The following SDK1 variants were observed in gnomAD, a reference collection of about 807,000 sequenced individuals.
The protein encoded by SDK1 is sidekick cell adhesion molecule 1, also known as protein sidekick-1.
Under a neutral mutation model 245.5 loss-of-function variants are expected in SDK1, and 157 were observed. The observed-to-expected ratio is 0.64, with a 90% CI of 0.56 to 0.73. SDK1 has a LOEUF of 0.73. SDK1 is among the 30% of genes least tolerant of loss of function. SDK1 has a pLI of 0.00. For missense variants in SDK1, 3,583 were observed against 3,002.3 expected, an observed-to-expected ratio of 1.19 and a Z score of -4.52; for synonymous variants, 1,647 against 1,278.5, an observed-to-expected ratio of 1.29 and a Z score of -6.15.
At chr7:3,387,079 C>T (rs1202400031) in intron 1 of SDK1, among the ~76,000 whole-genome samples, 5 of 152,148 alleles carry the variant, frequency 3.3e-5, no homozygotes, top group Non-Finnish European at 7.4e-5. Flanking sequence ...CATATGTTTA[C>T]TCTTGGCTGA....
intron 1 of SDK1, among the ~76,000 whole-genome samples, chr7:3,540,046 CA>C (rs758132445): frequency 1.3e-5 from 2 of 152,200 alleles, no homozygotes; most frequent in East Asian, 3.9e-4. Flanking sequence ...TTTTGAGTCA[CA>C]AAAAAAACAC....
At chr7:3,917,152 C>A (rs1174812333) in intron 5 of SDK1, among the ~76,000 whole-genome samples, 3 of 152,166 alleles carry the variant, frequency 2.0e-5, no homozygotes, top group Non-Finnish European at 2.9e-5. Flanking sequence ...GGAGCATACA[C>A]CTTCAAAATT....
Position 4,145,790 on chromosome 7 carries a change from A to T in SDK1, c.4297A>T (p.Thr1433Ser), listed in dbSNP as rs762928928. Residue 1433 changes from threonine to serine, a missense_variant, in exon 29 of 45, where the codon ACA becomes TCA. By Grantham distance (58) the Thr-to-Ser change is moderately conservative. Coordinates refer to ENST00000404826, the MANE Select transcript of SDK1 (RefSeq NM_152744.4). ...HTFTTVEVGA[T>S]VRQFTATDLA... is the part of the protein sequence containing the mutation. ...CTTCACCACCGTGGAGGTCGGCGCC[A>T]CAGTGAGGCAGTTCACAGCCACCGA... is the stretch of plus-strand genomic sequence containing the variant. 2 of 1,613,798 alleles carry T rather than the reference A, an allele frequency of 1.2e-6. No homozygotes were observed. The highest frequency in any genetic ancestry group is 1.7e-6 in the Non-Finnish European group (2 of 1,179,902).
chr7:3,824,267 G>T (rs1331607014), intron 5 of SDK1, among the ~76,000 whole-genome samples: 3 of 152,150 alleles, frequency 2.0e-5, no homozygotes, highest in Non-Finnish European at 2.9e-5. Flanking sequence ...TCTGATGTAG[G>T]CTTTTGTGGA....
intron 8 of SDK1, among the ~76,000 whole-genome samples, chr7:3,961,587 C>G (rs1222512596): frequency 3.9e-5 from 6 of 152,188 alleles, no homozygotes; most frequent in Non-Finnish European, 8.8e-5. Flanking sequence ...GCAGCTTTTC[C>G]TGTATCCACA....
chr7:4,259,972 C>T (rs548579498), intron 44 of SDK1, among the ~76,000 whole-genome samples: 2 of 152,228 alleles, frequency 1.3e-5, no homozygotes, highest in Non-Finnish European at 2.9e-5. Context: ...GATCCTCAGC[C>T]AGTTGCAGAG....
intron 32 of SDK1, among the ~76,000 whole-genome samples, chr7:4,172,449 G>A (rs1439056530): frequency 6.6e-6 from 1 of 152,156 alleles, no homozygotes; most frequent in Admixed American, 6.5e-5. Flanking sequence ...AAAGAACACC[G>A]CTTCCTCCAC....
chr7:3,991,027 C>G (rs1467528472), intron 14 of SDK1, among the ~76,000 whole-genome samples: 1 of 152,250 alleles, frequency 6.6e-6, no homozygotes, highest in East Asian at 1.9e-4. Context: ...CTGACGTGAT[C>G]AGTGTCCACT....
chr7:3,601,618 G>A (rs1351561704), intron 1 of SDK1, among the ~76,000 whole-genome samples: 1 of 150,542 alleles, frequency 6.6e-6, no homozygotes, highest in Non-Finnish European at 1.5e-5. Context: ...TCTTGCTAGA[G>A]GTTTATCAGT....
chr7:3,665,965 C>T (rs577942171), intron 4 of SDK1, among the ~76,000 whole-genome samples: 1 of 152,134 alleles, frequency 6.6e-6, no homozygotes, highest in African/African-American at 2.4e-5. Flanking sequence ...TCTCGGTTGG[C>T]TCACACTTCC....
rs919508187 is a variant in SDK1 at position 4,237,543 on chromosome 7, G to T, written c.5993-104G>T. ...TTGGTTTCATCTCACCTGTAACTGG[G>T]AGTTATCTACCCCAGCCTTCCCTGC... On this transcript the variant is annotated intron_variant, in intron 41 of 44. Transcript: ENST00000404826. 3 of 1,308,566 alleles carry T rather than the reference G, an allele frequency of 2.3e-6. No homozygotes were observed. In the Admixed American group the frequency reaches 5.3e-5, roughly 23 times the overall value. The allele number at this position is 1,308,566 out of a possible 1,614,324, so 81.1% of individuals were successfully genotyped here.
intron 5 of SDK1, among the ~76,000 whole-genome samples, chr7:3,842,642 A>G (rs968545097): frequency 6.6e-6 from 1 of 152,156 alleles, no homozygotes; most frequent in Admixed American, 6.5e-5. Flanking sequence ...GTTGTGACGA[A>G]CAATCGTGAG....
intron 5 of SDK1, among the ~76,000 whole-genome samples, chr7:3,824,604 C>T (rs1779726635): frequency 6.6e-6 from 1 of 152,120 alleles, no homozygotes; most frequent in Non-Finnish European, 1.5e-5. Flanking sequence ...AGCCCTGTCT[C>T]AAAACATCTA....
chr7:3,939,362 G>C (rs531646094), intron 5 of SDK1, among the ~76,000 whole-genome samples: 39 of 152,342 alleles, frequency 2.6e-4, no homozygotes, highest in African/African-American at 8.7e-4. Context: ...TATACACTCA[G>C]AAATGTATAA....
intron 44 of SDK1, among the ~76,000 whole-genome samples, chr7:4,255,523 G>A (rs1286935278): frequency 2.6e-5 from 4 of 152,126 alleles, no homozygotes; most frequent in Admixed American, 6.5e-5. Flanking sequence ...GGGAGCACTC[G>A]GGGCCCAGTA....
chr7:4,023,505 A>G (rs773539781), intron 17 of SDK1, among the ~76,000 whole-genome samples: 21 of 152,218 alleles, frequency 1.4e-4, no homozygotes, highest in Non-Finnish European at 2.5e-4. Flanking sequence ...GATGAAATGG[A>G]AAATAACTGA....
chr7:3,809,207 C>T (rs114442294), intron 4 of SDK1, among the ~76,000 whole-genome samples: 1,825 of 152,054 alleles, frequency 0.012, 36 homozygotes, highest in African/African-American at 0.039. Context: ...CAAGAGGGAA[C>T]GAGAGAAGGG....
At chr7:3,790,826 T>G (rs1781058971) in intron 4 of SDK1, among the ~76,000 whole-genome samples, 1 of 151,952 alleles carries the variant, frequency 6.6e-6, no homozygotes, top group Non-Finnish European at 1.5e-5. Flanking sequence ...CCAAGTCTGG[T>G]AGTGGTTGCT....
chr7:4,138,297 C>T (rs775927583), intron 28 of SDK1, among the ~76,000 whole-genome samples: 2 of 152,122 alleles, frequency 1.3e-5, no homozygotes, highest in South Asian at 2.1e-4. Flanking sequence ...TTGGGTCCAG[C>T]GGCACTGCCA....
Sources: allele counts gnomAD v4.1 joint callset (sites outside exome capture counted in the v4.1 genomes callset), GRCh38; gene constraint gnomAD v4.1.1; transcripts MANE v1.5; gene names NCBI Gene and HGNC (gene_info 2026-07-23, HGNC 2026-07-21).